Variants in LRRC37A2 observed in about 807,000 individuals in gnomAD.
LRRC37A2 encodes leucine-rich repeat-containing protein 37A2.
In LRRC37A2, 9 loss-of-function variants were observed where a neutral mutation model predicts 68.8. The observed-to-expected ratio is 0.13, with a 90% CI of 0.08 to 0.23. The LOEUF (loss-of-function observed/expected upper bound fraction) is 0.23, where lower values mean the gene tolerates loss of function less well. Ranked by LOEUF, LRRC37A2 falls within the 10% of genes least tolerant of loss-of-function variation. The probability of loss-of-function intolerance (pLI) is 1.00; values close to 1 mark genes in which losing one functional copy is unlikely to be tolerated. For missense variants in LRRC37A2, 168 were observed against 950.4 expected (o/e 0.18, Z 10.82); for synonymous variants, 63 against 367.6 (o/e 0.17, Z 9.48).
At chr17:46,887,491 G>T in the LRRC37A2 span, among the ~76,000 whole-genome samples, 19 of 152,078 alleles carry the variant, frequency 1.2e-4, no homozygotes, top group South Asian at 6.3e-4. Flanking sequence ...AGGGCCAGGC[G>T]TGGTGGCTCA....
At chr17:46,924,477 C>G in the LRRC37A2 span, 1 of 152,060 alleles carries the variant, frequency 6.6e-6, no homozygotes, top group Non-Finnish European at 1.5e-5. Context: ...AGGTATATAC[C>G]TATCCTATTG....
At chr17:46,831,546 G>A in the LRRC37A2 span, 3 of 152,556 alleles carry the variant, frequency 2.0e-5, no homozygotes, top group Non-Finnish European at 4.4e-5. Flanking sequence ...AGGCCCATCA[G>A]AGGCTTTCTT....
chr17:46,842,457 C>G, the LRRC37A2 span, among the ~76,000 whole-genome samples: 27 of 152,342 alleles, frequency 1.8e-4, no homozygotes, highest in African/African-American at 6.5e-4. Context: ...TCACTGCAGC[C>G]TCAAACTCCT....
the LRRC37A2 span, among the ~76,000 whole-genome samples, chr17:46,974,441 G>T: frequency 6.6e-6 from 1 of 152,200 alleles, no homozygotes; most frequent in Non-Finnish European, 1.5e-5. Flanking sequence ...GGGGAGCAAA[G>T]GAGGTCATCT....
the LRRC37A2 span, chr17:46,923,258 A>T: frequency 6.5e-7 from 1 of 1,550,264 alleles, no homozygotes; most frequent in East Asian, 2.4e-5. Context: ...GGGCTAGACG[A>T]GGCGAGGCCA....
At chr17:46,827,536 G>A in the LRRC37A2 span, among the ~76,000 whole-genome samples, 6 of 152,128 alleles carry the variant, frequency 3.9e-5, no homozygotes, top group African/African-American at 1.4e-4. Context: ...TGACACCATT[G>A]CTGAGACACT....
chr17:46,932,246 G>C, the LRRC37A2 span: 1 of 1,610,290 alleles, frequency 6.2e-7, no homozygotes, highest in Non-Finnish European at 8.5e-7. Context: ...GACAGATCGT[G>C]GGGGCTGGAG....
At chr17:46,948,255 G>C in the LRRC37A2 span, among the ~76,000 whole-genome samples, 2 of 152,200 alleles carry the variant, frequency 1.3e-5, no homozygotes, top group African/African-American at 4.8e-5. Flanking sequence ...TGTGGCCAGT[G>C]CATACTGCCA....
the LRRC37A2 span, chr17:46,938,695 T>A: frequency 6.2e-7 from 1 of 1,613,826 alleles, no homozygotes; most frequent in Non-Finnish European, 8.5e-7. Context: ...GGACAAGTAC[T>A]TTATGATAGG....
the LRRC37A2 span, among the ~76,000 whole-genome samples, chr17:46,720,924 A>C: frequency 6.6e-6 from 1 of 152,166 alleles, no homozygotes; most frequent in Non-Finnish European, 1.5e-5. Context: ...TAATGGAACT[A>C]ATGCTGGTGT....
At chr17:46,808,959 G>C in the LRRC37A2 span, among the ~76,000 whole-genome samples, 3 of 152,200 alleles carry the variant, frequency 2.0e-5, no homozygotes, top group Non-Finnish European at 4.4e-5. Flanking sequence ...TACATGACCT[G>C]AGCCAAGTGG....
the LRRC37A2 span, among the ~76,000 whole-genome samples, chr17:46,980,890 T>C: frequency 6.6e-6 from 1 of 152,090 alleles, no homozygotes; most frequent in East Asian, 1.9e-4. Flanking sequence ...AAGTACTTCC[T>C]ACTAAATTGC....
the LRRC37A2 span, among the ~76,000 whole-genome samples, chr17:46,972,435 C>T: frequency 6.6e-6 from 1 of 152,260 alleles, no homozygotes; most frequent in Non-Finnish European, 1.5e-5. Flanking sequence ...AAAGGATTCC[C>T]AGCAAAGGGT....
the LRRC37A2 span, among the ~76,000 whole-genome samples, chr17:46,709,013 C>T: frequency 1.1e-4 from 16 of 151,164 alleles, no homozygotes; most frequent in South Asian, 8.3e-4. Flanking sequence ...TTAGTAGAGA[C>T]GAGGTTTCAC....
the LRRC37A2 span, among the ~76,000 whole-genome samples, chr17:46,708,445 G>A: frequency 6.7e-6 from 1 of 149,996 alleles, no homozygotes; most frequent in Non-Finnish European, 1.5e-5. Context: ...ATGATTAGTG[G>A]TGATAAGTAT....
the LRRC37A2 span, among the ~76,000 whole-genome samples, chr17:46,841,954 C>A: frequency 6.6e-6 from 1 of 152,224 alleles, no homozygotes; most frequent in East Asian, 1.9e-4. Context: ...CGTCCTCCAG[C>A]GTCCGCGGCC....
At chr17:46,876,831 T>TGTGTGCCAATGCACACGA in the LRRC37A2 span, 16 of 1,437,938 alleles carry the variant, frequency 1.1e-5, no homozygotes, top group South Asian at 1.5e-5. Flanking sequence ...TAAACCGGCA[T>TGTGTGCCAATGCACACGA]GTGTGCCAAT....
the LRRC37A2 span, chr17:46,909,683 T>G: frequency 6.6e-6 from 1 of 152,280 alleles, no homozygotes; most frequent in Non-Finnish European, 1.5e-5. Flanking sequence ...ATTTTTTGTT[T>G]AACTTTTCTT....
At chr17:46,792,174 C>G in the LRRC37A2 span, among the ~76,000 whole-genome samples, 1 of 152,192 alleles carries the variant, frequency 6.6e-6, no homozygotes, top group Non-Finnish European at 1.5e-5. Context: ...GCACATTAGC[C>G]CCAGTTAAGG....
Sources: allele counts gnomAD v4.1 joint callset (sites outside exome capture counted in the v4.1 genomes callset), GRCh38; gene constraint gnomAD v4.1.1; transcripts MANE v1.5; gene names NCBI Gene and HGNC (gene_info 2026-07-23, HGNC 2026-07-21).